The following NF1 variants were observed in gnomAD, a reference collection of about 807,000 sequenced individuals.
NF1 encodes the protein neurofibromin.
In NF1, 122 loss-of-function variants were observed where a neutral mutation model predicts 325.7. The ratio of observed to expected loss-of-function variants is 0.37; its 90% CI spans 0.32 to 0.44. NF1 has a LOEUF of 0.44. NF1 is among the 20% of genes least tolerant of loss of function. The pLI, the probability that NF1 is intolerant of heterozygous loss-of-function variation, is 1.00. For missense variants in NF1, 2,140 were observed against 3,415.4 expected, an observed-to-expected ratio of 0.63 and a Z score of 9.31; for synonymous variants, 1,091 against 1,186.0, an observed-to-expected ratio of 0.92 and a Z score of 1.65.
intron 46 of NF1, among the ~76,000 whole-genome samples, chr17:31,339,983 G>A (rs1413880703): frequency 1.3e-5 from 2 of 152,166 alleles, no homozygotes; most frequent in African/African-American, 4.8e-5. Flanking sequence ...GAGAGGGAAA[G>A]TTGTGAGGAC....
intron 48 of NF1, among the ~76,000 whole-genome samples, chr17:31,344,593 G>A (rs1198801008): frequency 6.6e-6 from 1 of 152,144 alleles, no homozygotes; most frequent in Non-Finnish European, 1.5e-5. Context: ...AGAGAGATAT[G>A]CATACACCCA....
intron 29 of NF1, among the ~76,000 whole-genome samples, chr17:31,243,905 G>A (rs925324076): frequency 1.3e-5 from 2 of 151,758 alleles, no homozygotes; most frequent in African/African-American, 4.8e-5. Flanking sequence ...AGCCACCACA[G>A]TTGGTAATGT....
intron 1 of NF1, among the ~76,000 whole-genome samples, chr17:31,105,460 C>T (rs184177769): frequency 9.2e-5 from 14 of 152,236 alleles, no homozygotes; most frequent in Admixed American, 2.6e-4. Flanking sequence ...CACAAGCTGT[C>T]GCCTGCCCTT....
At chr17:31,114,752 G>T (rs1913751459) in intron 1 of NF1, among the ~76,000 whole-genome samples, 1 of 151,780 alleles carries the variant, frequency 6.6e-6, no homozygotes, top group Admixed American at 6.6e-5. Flanking sequence ...TACTTGGGAG[G>T]CTGAGGCACA....
chr17:31,273,507 C>T (rs946518231), intron 36 of NF1: 1 of 152,168 alleles, frequency 6.6e-6, no homozygotes, highest in Admixed American at 6.5e-5. Context: ...AACTGTAGAA[C>T]TCTAACATAT....
At chr17:31,187,647 AATCAGTGTCCAAT>A (rs1470273241) in intron 8 of NF1, among the ~76,000 whole-genome samples, 1 of 152,170 alleles carries the variant, frequency 6.6e-6, no homozygotes, top group Non-Finnish European at 1.5e-5. Context: ...GTATGCTCTG[AATCAGTGTCCAAT>A]ATATGGTACT....
In NF1 at chr17:31,340,549, G is replaced by A. The variant is rs753793900; in HGVS notation, c.6966G>A (p.Val2322=). ...CCCTCTTTTGGGTAGCTGTGGCTGT[G>A]CTGCAGCTTGATGAGGTCAACTTGT... The part of the protein sequence containing the change: ...HKALFWVAVA[V]LQLDEVNLYS... The change falls in exon 47 of 58, where the codon GTG becomes GTA. Residue 2322 remains valine, a synonymous_variant. Coordinates refer to ENST00000358273, the MANE Select transcript of NF1 (RefSeq NM_001042492.3). The A allele has an allele frequency of 6.2e-7, 1 of 1,614,092 alleles. No homozygotes were observed. Among genetic ancestry groups the A allele is most frequent in the Admixed American group, 1.7e-5 (1 of 60,010 alleles).
rs1258549017 is a variant in NF1 at position 31,245,288 on chromosome 17, A to G, written c.3975-3696A>G. On this transcript the variant is annotated intron_variant, in intron 29 of 57. Coordinates refer to ENST00000358273, the MANE Select transcript of NF1 (RefSeq NM_001042492.3). ...ACTGTTCTCCCTGCATATAATCCCC[A>G]TATTTAGGCTGTCTCTTCAATTAGC... Among the ~76,000 whole-genome samples, 6 of 152,196 alleles carry G rather than the reference A, an allele frequency of 3.9e-5. No homozygotes were observed. In the East Asian group the frequency reaches 1.2e-3, roughly 29 times the overall value.
chr17:31,258,524 G>T (rs2151462295), intron 32 of NF1, 22 bp downstream of exon 32: 1 of 1,611,276 alleles, frequency 6.2e-7, no homozygotes, highest in Non-Finnish European at 8.5e-7. Flanking sequence ...TGATAATCTA[G>T]CTATCTTAAA....
intron 36 of NF1, among the ~76,000 whole-genome samples, chr17:31,316,765 T>G (rs972877365): frequency 3.3e-5 from 5 of 152,238 alleles, no homozygotes; most frequent in African/African-American, 1.2e-4. Context: ...AACACTTAAC[T>G]TTATCTGGAA....
intron 1 of NF1, among the ~76,000 whole-genome samples, chr17:31,098,884 A>G (rs927077859): frequency 6.3e-5 from 9 of 141,972 alleles, no homozygotes; most frequent in African/African-American, 2.0e-4. Flanking sequence ...GTGAGCCGAG[A>G]TTGCGCCACT....
At chr17:31,110,549 C>G (rs1234359364) in intron 1 of NF1, among the ~76,000 whole-genome samples, 2 of 151,982 alleles carry the variant, frequency 1.3e-5, no homozygotes, top group African/African-American at 2.4e-5. Flanking sequence ...ATGGTTCTTT[C>G]GTTTATAATA....
rs187872098 is a variant in NF1, at chr17:31,234,725, C to T, written c.3709-886C>T. 2.5e-3 allele frequency among the ~76,000 whole-genome samples: 352 copies of T among 143,506 alleles called. 4 individuals are homozygous for T. The highest frequency in any genetic ancestry group is 1.8e-3 in the South Asian group (8 of 4,340). The allele number at this position is 143,506 out of a possible 152,430, so 94.1% of individuals were successfully genotyped here. On this transcript the variant is annotated intron_variant, in intron 27 of 57. Coordinates refer to ENST00000358273, the MANE Select transcript of NF1 (RefSeq NM_001042492.3). ...TCATTTAGTTCAAGTAGCTTTAATT[C>T]GTTGAGTTTTATATTAAATGACTTT...
At chr17:31,200,893 C>T in intron 9 of NF1, 144 bp from the exon 10 acceptor site, 1 of 1,152,572 alleles carries the variant, frequency 8.7e-7, no homozygotes, top group South Asian at 1.3e-5. Flanking sequence ...GACTGATGAA[C>T]CACAGTATGG....
At chr17:31,179,160 G>A (rs1217990247) in intron 5 of NF1, among the ~76,000 whole-genome samples, 4 of 151,776 alleles carry the variant, frequency 2.6e-5, no homozygotes, top group Non-Finnish European at 4.4e-5. Flanking sequence ...TCATAACAAA[G>A]ACTCTCAGAC....
In NF1 at chr17:31,203,097, CAT is replaced by C. The variant is rs2066559059; in HGVS notation, c.1260+1614_1260+1615del. ...AAATATTTTTGTCTACAACTGACTA[CAT>C]AGAGCACTTTCAAGCATGGACTTGG... On this transcript the variant is annotated intron_variant, in intron 11 of 57. Transcript: ENST00000358273. Among the ~76,000 whole-genome samples the C allele has an allele frequency of 1.3e-5, 2 of 152,116 alleles. 1 individual carries two copies. The highest frequency in any genetic ancestry group is 1.3e-4 in the Admixed American group (2 of 15,278).
chr17:31,324,460 C>T (rs1346101114), intron 36 of NF1, among the ~76,000 whole-genome samples: 3 of 152,150 alleles, frequency 2.0e-5, no homozygotes, highest in African/African-American at 4.8e-5. Context: ...GAAATTGTTT[C>T]GTCTAGCTGT....
intron 48 of NF1, among the ~76,000 whole-genome samples, chr17:31,346,840 T>G (rs28579491): frequency 7.0e-5 from 10 of 143,808 alleles, no homozygotes; most frequent in African/African-American, 2.1e-4. Context: ...TTTTTTTTTT[T>G]ACATCTGTTT....
At chr17:31,263,474 GTAAATATAAATATAAA>G (rs988298057) in intron 35 of NF1, among the ~76,000 whole-genome samples, 12 of 149,968 alleles carry the variant, frequency 8.0e-5, no homozygotes, top group African/African-American at 2.9e-4. Context: ...AGAAATATAA[GTAAATATAAATATAAA>G]TAAATATAAA....
Sources: gnomAD v4.1 joint callset for allele counts (sites outside exome capture counted in the v4.1 genomes callset) on GRCh38, gnomAD v4.1.1 for gene constraint, MANE v1.5 for transcripts, NCBI Gene and HGNC (gene_info 2026-07-23, HGNC 2026-07-21) for gene names.